The following CHN2 variants were observed in gnomAD, a reference collection of about 807,000 sequenced individuals.
The protein encoded by CHN2 is beta-chimaerin.
In CHN2, 35 loss-of-function variants were observed where a neutral mutation model predicts 56.3. The ratio of observed to expected loss-of-function variants is 0.62; its 90% CI spans 0.47 to 0.82. CHN2 has a LOEUF of 0.82. Among genes scored for constraint, CHN2 ranks in the 40% least tolerant of loss-of-function variants. CHN2 has a pLI of 0.00. For missense variants in CHN2, 491 were observed against 580.5 expected (o/e 0.85, Z 1.58); for synonymous variants, 210 against 212.8 (o/e 0.99, Z 0.12).
intron 11 of CHN2, among the ~76,000 whole-genome samples, chr7:29,508,989 G>A (rs1400048971): frequency 6.6e-6 from 1 of 152,062 alleles, no homozygotes; most frequent in African/African-American, 2.4e-5. Context: ...TTCAGAAGAA[G>A]GCAAAGCATA....
chr7:29,451,673 C>A (rs1292546961), intron 6 of CHN2, among the ~76,000 whole-genome samples: 2 of 152,030 alleles, frequency 1.3e-5, no homozygotes, highest in Non-Finnish European at 2.9e-5. Flanking sequence ...GAGAATTCTC[C>A]AACCACATAT....
At chr7:29,314,882 T>A (rs1168515215) in intron 1 of CHN2, among the ~76,000 whole-genome samples, 1 of 151,274 alleles carries the variant, frequency 6.6e-6, no homozygotes, top group Non-Finnish European at 1.5e-5. Flanking sequence ...TATATATATA[T>A]AATTGTTATA....
Position 29,264,265 on chromosome 7 carries a change from G to A in CHN2, c.49+69275G>A, listed in dbSNP as rs564403146. On this transcript the variant is annotated intron_variant, in intron 1 of 12. Coordinates refer to ENST00000222792, the MANE Select transcript of CHN2 (RefSeq NM_004067.4). ...GCCCCTCTGCCCAGCAGCCCCGTCT[G>A]GGAAGTGAGGAGCCCCTCTGCCCGG... is the stretch of plus-strand genomic sequence containing the variant. Among the ~76,000 whole-genome samples the A allele has an allele frequency of 3.9e-5, 6 of 152,040 alleles. No individual in the cohort carries two copies. In the South Asian group the frequency reaches 1.2e-3, roughly 32 times the overall value.
At chr7:29,146,947 C>T in exon 2 of CHN2, 1 of 1,551,084 alleles carries the variant, frequency 6.4e-7, no homozygotes, top group Non-Finnish European at 8.7e-7. Context: ...GTCTACATTC[C>T]AGCTGCACTA....
At chr7:29,501,131 C>G (rs1789924946) in intron 9 of CHN2, among the ~76,000 whole-genome samples, 1 of 151,938 alleles carries the variant, frequency 6.6e-6, no homozygotes, top group South Asian at 2.1e-4. Context: ...TTTTCCAAAG[C>G]ACAACTAAAG....
chr7:29,235,941 C>T (rs1787161734), intron 1 of CHN2, among the ~76,000 whole-genome samples: 1 of 152,180 alleles, frequency 6.6e-6, no homozygotes, highest in Non-Finnish European at 1.5e-5. Flanking sequence ...GTACTATGCT[C>T]ATTACATGGG....
At chr7:29,148,084 T>G (rs1025458807) in intron 2 of CHN2, among the ~76,000 whole-genome samples, 87 of 152,056 alleles carry the variant, frequency 5.7e-4, no homozygotes, top group African/African-American at 2.0e-3. Context: ...AACACCAGAG[T>G]CAGCAATGTT....
At chr7:29,360,679 G>T (rs1562546258) in intron 2 of CHN2, among the ~76,000 whole-genome samples, 1 of 152,184 alleles carries the variant, frequency 6.6e-6, no homozygotes, top group East Asian at 1.9e-4. Flanking sequence ...AGTGAGCAGG[G>T]TCATACTGGC....
chr7:29,489,961 A>G (rs1341164970), intron 7 of CHN2, among the ~76,000 whole-genome samples: 1 of 152,208 alleles, frequency 6.6e-6, no homozygotes, highest in African/African-American at 2.4e-5. Flanking sequence ...TATTTTGTCA[A>G]TATGCATTCT....
chr7:29,324,849 A>G (rs1562518414), intron 1 of CHN2, among the ~76,000 whole-genome samples: 1 of 152,198 alleles, frequency 6.6e-6, no homozygotes, highest in African/African-American at 2.4e-5. Flanking sequence ...AGTTTTGATA[A>G]GAATGCTCCC....
intron 5 of CHN2, 130 bp downstream of exon 5, chr7:29,398,616 G>GA: frequency 3.4e-6 from 2 of 595,974 alleles, no homozygotes; most frequent in South Asian, 3.8e-5. Flanking sequence ...TATGTTATGA[G>GA]GGGGGGGTCC....
intron 1 of CHN2, chr7:29,332,860 T>C (rs1178950931): frequency 6.6e-6 from 1 of 151,924 alleles, no homozygotes; most frequent in Non-Finnish European, 1.5e-5. Context: ...ATGATGGGGT[T>C]ATGTGGACAT....
At chr7:29,302,985 A>T (rs1383853279) in intron 1 of CHN2, among the ~76,000 whole-genome samples, 1 of 151,786 alleles carries the variant, frequency 6.6e-6, no homozygotes, top group Non-Finnish European at 1.5e-5. Flanking sequence ...ATGTGATTAA[A>T]TAGTATTCAG....
chr7:29,407,196 CA>C (rs895089937), intron 6 of CHN2, among the ~76,000 whole-genome samples: 8 of 152,124 alleles, frequency 5.3e-5, no homozygotes, highest in African/African-American at 1.9e-4. Flanking sequence ...GCACCCGGCT[CA>C]ATAGCTTAGA....
At chr7:29,356,523 T>C (rs1442265344) in intron 2 of CHN2, among the ~76,000 whole-genome samples, 3 of 152,212 alleles carry the variant, frequency 2.0e-5, no homozygotes, top group African/African-American at 7.2e-5. Flanking sequence ...ATCCTTCTGA[T>C]TGTTTAAAAG....
intron 6 of CHN2, among the ~76,000 whole-genome samples, chr7:29,464,271 A>G (rs764409933): frequency 9.2e-5 from 14 of 152,232 alleles, no homozygotes; most frequent in East Asian, 1.9e-4. Flanking sequence ...TAGTACTGGT[A>G]GGTATTCATT....
chr7:29,160,134 C>G (rs1181077394), intron 2 of CHN2, among the ~76,000 whole-genome samples: 1 of 152,168 alleles, frequency 6.6e-6, no homozygotes, highest in Non-Finnish European at 1.5e-5. Flanking sequence ...ACATGGTTTC[C>G]TGGCCCTCAT....
At chr7:29,456,599 GCCACCACCCGCCCCCTCCCCCCCACCA>G (rs1264505943) in intron 6 of CHN2, among the ~76,000 whole-genome samples, 10 of 121,578 alleles carry the variant, frequency 8.2e-5, no homozygotes, top group Non-Finnish European at 1.2e-4. Context: ...TCCTGCCCCT[GCCACCACCCGCCCCCTCCCCCCCACCA>G]CCACCACCAA....
intron 1 of CHN2, among the ~76,000 whole-genome samples, chr7:29,236,853 A>T (rs1428149360): frequency 6.6e-6 from 1 of 152,130 alleles, no homozygotes; most frequent in Non-Finnish European, 1.5e-5. Context: ...TGCTTCTGTC[A>T]TCACTTCTCT....
Sources: allele counts gnomAD v4.1 joint callset (sites outside exome capture counted in the v4.1 genomes callset), GRCh38; gene constraint gnomAD v4.1.1; transcripts MANE v1.5; gene names NCBI Gene and HGNC (gene_info 2026-07-23, HGNC 2026-07-21).